Variants in PDE3A observed in about 807,000 individuals in gnomAD.
The protein encoded by PDE3A is phosphodiesterase 3A.
In PDE3A, 43 loss-of-function variants were observed where a neutral mutation model predicts 98.3. The ratio of observed to expected loss-of-function variants is 0.44; its 90% CI spans 0.34 to 0.56. The LOEUF (loss-of-function observed/expected upper bound fraction) is 0.56. PDE3A is among the 20% of genes least tolerant of loss of function. PDE3A has a pLI of 0.01. For missense variants in PDE3A, 1,427 were observed against 1,440.7 expected (o/e 0.99, Z 0.15); for synonymous variants, 663 against 567.9 (o/e 1.17, Z -2.38).
rs1945850466 is a variant in PDE3A, at chr12:20,683,396, C to T, written c.*3125C>T. On this transcript the variant is annotated 3_prime_UTR_variant, in exon 16 of 16. Transcript: ENST00000359062. ...CTTTCAAATGAAAGAGTTTCTAGCC[C>T]ACTTAGGGAAAAAGATAATTGTTTA... The T allele has an allele frequency of 6.6e-6, 1 of 152,066 alleles. No homozygotes were observed. The highest frequency in any genetic ancestry group is 6.6e-5 in the Admixed American group (1 of 15,256). 9.4% of individuals were successfully genotyped at this position (152,066 alleles called of 1,614,324 possible).
intron 1 of PDE3A, among the ~76,000 whole-genome samples, chr12:20,410,615 T>TTTG (rs371765303): frequency 6.6e-6 from 1 of 152,080 alleles, no homozygotes; most frequent in Admixed American, 6.6e-5. Flanking sequence ...TGATGTTTGT[T>TTTG]TTGTTGTTGT....
intron 1 of PDE3A, among the ~76,000 whole-genome samples, chr12:20,446,939 G>A (rs1944966826): frequency 6.6e-6 from 1 of 152,164 alleles, no homozygotes; most frequent in Non-Finnish European, 1.5e-5. Context: ...AATCTCACAG[G>A]TGAGGGTGCA....
At chr12:20,379,642 G>T (rs990106620) in intron 1 of PDE3A, among the ~76,000 whole-genome samples, 1 of 151,728 alleles carries the variant, frequency 6.6e-6, no homozygotes, top group African/African-American at 2.4e-5. Context: ...AGAAATAAAA[G>T]ACTTTTAACC....
At chr12:20,662,612 G>A (rs565454000) in intron 15 of PDE3A, among the ~76,000 whole-genome samples, 2 of 152,294 alleles carry the variant, frequency 1.3e-5, no homozygotes, top group Non-Finnish European at 2.9e-5. Flanking sequence ...AGATGATTTA[G>A]GGTATCTGGC....
intron 8 of PDE3A, among the ~76,000 whole-genome samples, chr12:20,636,164 G>A (rs978136730): frequency 1.6e-4 from 24 of 152,096 alleles, no homozygotes; most frequent in Non-Finnish European, 1.5e-5. Flanking sequence ...GCATATATTG[G>A]CACTAGCCAC....
intron 2 of PDE3A, among the ~76,000 whole-genome samples, chr12:20,592,699 C>T (rs574184864): frequency 6.6e-6 from 1 of 152,262 alleles, no homozygotes; most frequent in Admixed American, 6.5e-5. Flanking sequence ...ATGTTCATTG[C>T]TCATGGGGAT....
At position 20,648,869 on chromosome 12, in the gene PDE3A, T is replaced by C; in HGVS notation, c.2747T>C (p.Phe916Ser). Reference protein sequence around the residue: ...LATDLKKHFDFVAKFNGKVND... With the variant: ...LATDLKKHFDSVAKFNGKVND... Reference sequence around the variant, plus strand: ...ACTGACCTGAAGAAACACTTTGACTTCGTAGCCAAATTTAATGGCAAGGTA... The same window carrying C: ...ACTGACCTGAAGAAACACTTTGACTCCGTAGCCAAATTTAATGGCAAGGTA... The change falls in exon 13 of 16, where the codon TTC becomes TCC. Residue 916 changes from phenylalanine to serine, a missense_variant. Around this residue, in one of 3 missense-constraint regions of PDE3A, gnomAD observed 273 missense variants for 420.3 expected, o/e 0.65. Transcript: ENST00000359062. 6.2e-7 allele frequency: 1 copy of C among 1,612,478 alleles called. No homozygotes were observed. Among genetic ancestry groups the C allele is most frequent in the Non-Finnish European group, 8.5e-7 (1 of 1,178,652 alleles).
At position 20,622,013 on chromosome 12, in the gene PDE3A, C is replaced by A. The variant is rs142419947; in HGVS notation, c.1540+602C>A. 1.1e-4 allele frequency among the ~76,000 whole-genome samples: 17 copies of A among 152,122 alleles called. No homozygotes were observed. The East Asian group carries it at 3.3e-3, about 29-fold the overall frequency. On this transcript the variant is annotated intron_variant, in intron 5 of 15. Coordinates refer to ENST00000359062, the MANE Select transcript of PDE3A (RefSeq NM_000921.5). ...CCTGGGAGATTTCCTCTGACCTTTC[C>A]TTTTTGGAATCTAACTTCATGGTTT...
At chr12:20,670,572 A>G (rs1023840638) in intron 15 of PDE3A, among the ~76,000 whole-genome samples, 10 of 152,096 alleles carry the variant, frequency 6.6e-5, no homozygotes, top group Non-Finnish European at 1.3e-4. Context: ...CTGCATGGAA[A>G]CTGAACAACC....
chr12:20,432,531 C>T (rs1944714586), intron 1 of PDE3A, among the ~76,000 whole-genome samples: 1 of 152,084 alleles, frequency 6.6e-6, no homozygotes, highest in Non-Finnish European at 1.5e-5. Flanking sequence ...GTGATGGTTT[C>T]ACAAGTATAT....
At chr12:20,493,361 C>T (rs1166195314) in intron 1 of PDE3A, among the ~76,000 whole-genome samples, 1 of 151,900 alleles carries the variant, frequency 6.6e-6, no homozygotes, top group Non-Finnish European at 1.5e-5. Context: ...AACAGTACAA[C>T]AATAAAATAA....
chr12:20,658,303 G>T (rs1262942585), intron 15 of PDE3A, among the ~76,000 whole-genome samples: 4 of 152,090 alleles, frequency 2.6e-5, no homozygotes, highest in Non-Finnish European at 5.9e-5. Context: ...TTCAAACTTT[G>T]CTTGGAATAC....
At chr12:20,396,978 A>C (rs1487096782) in intron 1 of PDE3A, among the ~76,000 whole-genome samples, 1 of 151,848 alleles carries the variant, frequency 6.6e-6, no homozygotes, top group African/African-American at 2.4e-5. Context: ...GTAAATTGTA[A>C]TGCTTAATCT....
At chr12:20,471,573 C>A (rs1945440894) in intron 1 of PDE3A, among the ~76,000 whole-genome samples, 1 of 152,128 alleles carries the variant, frequency 6.6e-6, no homozygotes, top group Admixed American at 6.5e-5. Flanking sequence ...CTATTATTTT[C>A]TGAACAGCAA....
intron 8 of PDE3A, among the ~76,000 whole-genome samples, chr12:20,636,650 C>G (rs192296491): frequency 6.6e-6 from 1 of 152,186 alleles, no homozygotes; most frequent in Non-Finnish European, 1.5e-5. Context: ...TCCTACTACT[C>G]ATGGATTTCT....
chr12:20,623,352 A>C (rs1382626925), intron 5 of PDE3A, among the ~76,000 whole-genome samples: 2 of 152,192 alleles, frequency 1.3e-5, no homozygotes, highest in East Asian at 3.9e-4. Flanking sequence ...AAATAGTGAA[A>C]CTACACAACA....
intron 1 of PDE3A, among the ~76,000 whole-genome samples, chr12:20,425,439 C>T (rs531264236): frequency 9.2e-5 from 14 of 151,986 alleles, no homozygotes; most frequent in South Asian, 6.2e-4. Context: ...GTTTTCTTGC[C>T]GTAAGGAACT....
intron 2 of PDE3A, among the ~76,000 whole-genome samples, chr12:20,567,441 A>G (rs1565591348): frequency 6.6e-6 from 1 of 152,016 alleles, no homozygotes; most frequent in African/African-American, 2.4e-5. Context: ...CCAACTTTTA[A>G]TGTCCATGAT....
At chr12:20,485,593 A>C (rs181323689) in intron 1 of PDE3A, among the ~76,000 whole-genome samples, 1 of 152,308 alleles carries the variant, frequency 6.6e-6, no homozygotes, top group Admixed American at 6.5e-5. Flanking sequence ...ATACTGGGTT[A>C]TTTAGTAAGA....
Sources: allele counts gnomAD v4.1 joint callset (sites outside exome capture counted in the v4.1 genomes callset), GRCh38; gene constraint gnomAD v4.1.1; regional missense constraint gnomAD v4.1.1; transcripts MANE v1.5; gene names NCBI Gene and HGNC (gene_info 2026-07-23, HGNC 2026-07-21).